Variants in WWOX observed in about 807,000 individuals in gnomAD.
WWOX encodes WW domain-containing oxidoreductase.
Under a neutral mutation model 46.2 loss-of-function variants are expected in WWOX, and 69 were observed. The observed-to-expected ratio is 1.49, with a 90% confidence interval of 1.23 to 1.82. The LOEUF (loss-of-function observed/expected upper bound fraction) is 1.82, where lower values mean the gene tolerates loss of function less well. Ranked by LOEUF, WWOX falls within the 40% of genes most tolerant of loss-of-function variation. WWOX has a pLI of 0.00. For missense variants in WWOX, 919 were observed against 542.6 expected (o/e 1.69, Z -6.89); for synonymous variants, 359 against 202.6 (o/e 1.77, Z -6.56).
Position 78,671,942 on chromosome 16 carries a change from G to T in WWOX, c.1056+239190G>T, listed in dbSNP as rs149944182. Among the ~76,000 whole-genome samples, 553 of 152,180 alleles carry T rather than the reference G, an allele frequency of 3.6e-3. 3 individuals carry two copies. The highest frequency in any genetic ancestry group is 0.012 in the African/African-American group (518 of 41,522). On this transcript the variant is annotated intron_variant, in intron 8 of 8. Transcript: ENST00000566780. ...TCTCATCTCAACCCGTTAGGATTTG[G>T]CCTTCAACTGGGTAGTGGAAAAAAT...
At chr16:78,573,761 A>G (rs994432904) in intron 8 of WWOX, among the ~76,000 whole-genome samples, 1 of 152,192 alleles carries the variant, frequency 6.6e-6, no homozygotes, top group African/African-American at 2.4e-5. Context: ...TTGCCACACC[A>G]TCTGCTCATT....
chr16:78,482,993 T>C (rs1342047231), intron 8 of WWOX, among the ~76,000 whole-genome samples: 1 of 152,124 alleles, frequency 6.6e-6, no homozygotes, highest in East Asian at 1.9e-4. Flanking sequence ...GGGCCCACTT[T>C]AAGAAAAGGA....
intron 8 of WWOX, among the ~76,000 whole-genome samples, chr16:78,649,639 C>G (rs2046921535): frequency 6.6e-6 from 1 of 152,180 alleles, no homozygotes; most frequent in African/African-American, 2.4e-5. Context: ...GTTTTGCTTA[C>G]TTTCCCTTCT....
chr16:78,895,762 C>G (rs529805150), intron 8 of WWOX: 1 of 152,306 alleles, frequency 6.6e-6, no homozygotes, highest in East Asian at 1.9e-4. Flanking sequence ...ATGGCTCTGG[C>G]AAATTCTGAG....
chr16:79,192,561 A>G (rs1294726746), intron 8 of WWOX, among the ~76,000 whole-genome samples: 4 of 152,198 alleles, frequency 2.6e-5, no homozygotes, highest in African/African-American at 9.6e-5. Context: ...GGTCAAGGAA[A>G]GGTTTAGCAT....
At chr16:79,112,522 A>G (rs956871713) in intron 8 of WWOX, among the ~76,000 whole-genome samples, 4 of 151,636 alleles carry the variant, frequency 2.6e-5, no homozygotes, top group East Asian at 2.0e-4. Context: ...TTCAACAAAT[A>G]CTCTTCTAAA....
At chr16:78,759,328 G>A (rs919840170) in intron 8 of WWOX, among the ~76,000 whole-genome samples, 1 of 152,174 alleles carries the variant, frequency 6.6e-6, no homozygotes, top group African/African-American at 2.4e-5. Context: ...TGCACTGTCT[G>A]CCATAAAGAG....
At chr16:79,120,074 T>A (rs2049597645) in intron 8 of WWOX, among the ~76,000 whole-genome samples, 1 of 152,144 alleles carries the variant, frequency 6.6e-6, no homozygotes, top group Non-Finnish European at 1.5e-5. Flanking sequence ...AGAGTGCAGT[T>A]TATTTAGATA....
intron 8 of WWOX, among the ~76,000 whole-genome samples, chr16:78,918,334 C>G (rs373232720): frequency 1.1e-4 from 17 of 152,316 alleles, no homozygotes; most frequent in African/African-American, 4.1e-4. Flanking sequence ...TCCTGTTTCT[C>G]TCTTCCTTTT....
At chr16:78,716,300 C>T (rs953120417) in intron 8 of WWOX, among the ~76,000 whole-genome samples, 2 of 152,032 alleles carry the variant, frequency 1.3e-5, no homozygotes, top group Admixed American at 1.3e-4. Flanking sequence ...AAGCATCCTC[C>T]CCTCCAGCCT....
chr16:79,056,907 A>T (rs980453096), intron 8 of WWOX, among the ~76,000 whole-genome samples: 1 of 152,232 alleles, frequency 6.6e-6, no homozygotes, highest in Non-Finnish European at 1.5e-5. Context: ...CCTACAAAAC[A>T]TAGTGCTAAA....
At chr16:78,853,794 C>A (rs993843083) in intron 8 of WWOX, among the ~76,000 whole-genome samples, 6 of 152,020 alleles carry the variant, frequency 3.9e-5, no homozygotes, top group African/African-American at 1.5e-4. Context: ...CCAAGAGATG[C>A]CATAAGCAGT....
At chr16:78,630,878 C>T (rs975503190) in intron 8 of WWOX, among the ~76,000 whole-genome samples, 22 of 117,966 alleles carry the variant, frequency 1.9e-4, no homozygotes, top group Non-Finnish European at 3.6e-4. Context: ...TGCAGTCAGC[C>T]CCCCTCTCTC....
rs565543334 is a variant in WWOX at position 78,667,181 on chromosome 16, C to A, written c.1056+234429C>A. 1.6e-3 allele frequency among the ~76,000 whole-genome samples: 245 copies of A among 152,302 alleles called. 1 individual carries two copies. Among genetic ancestry groups the A allele is most frequent in the Non-Finnish European group, 2.4e-3 (165 of 68,026 alleles). ...GTGTTTGCTAGTAGCTTCCATGAAA[C>A]TCTATGGGTGAACATGTCTGCAACT... is the stretch of plus-strand genomic sequence containing the variant. On this transcript the variant is annotated intron_variant, in intron 8 of 8. Transcript: ENST00000566780.
chr16:78,944,568 C>T (rs1203686679), intron 8 of WWOX, among the ~76,000 whole-genome samples: 1 of 152,164 alleles, frequency 6.6e-6, no homozygotes, highest in African/African-American at 2.4e-5. Context: ...TCGTACACAT[C>T]TATGTAAGCA....
intron 5 of WWOX, among the ~76,000 whole-genome samples, chr16:78,362,443 C>G (rs575089278): frequency 3.3e-5 from 5 of 152,204 alleles, no homozygotes; most frequent in East Asian, 3.9e-4. Context: ...AACCCTATCC[C>G]TATTAAAAAT....
chr16:78,807,995 T>A (rs866633699), intron 8 of WWOX, among the ~76,000 whole-genome samples: 2 of 152,190 alleles, frequency 1.3e-5, no homozygotes, highest in African/African-American at 2.4e-5. Context: ...TCTTTTTCCA[T>A]GTTCACTCCA....
At chr16:78,641,247 C>G (rs917931560) in intron 8 of WWOX, among the ~76,000 whole-genome samples, 10 of 149,468 alleles carry the variant, frequency 6.7e-5, no homozygotes, top group African/African-American at 2.5e-4. Flanking sequence ...TTTTTTTTTT[C>G]TAAAGGAAAA....
chr16:78,298,746 G>T (rs560640781), intron 5 of WWOX, among the ~76,000 whole-genome samples: 2 of 149,930 alleles, frequency 1.3e-5, no homozygotes, highest in African/African-American at 2.5e-5. Flanking sequence ...AGCCAAGATC[G>T]CACCATTGCA....
Sources: gnomAD v4.1 joint callset for allele counts (sites outside exome capture counted in the v4.1 genomes callset) on GRCh38, gnomAD v4.1.1 for gene constraint, MANE v1.5 for transcripts, NCBI Gene and HGNC (gene_info 2026-07-23, HGNC 2026-07-21) for gene names.